ITPR1: variants seen among roughly 807,000 people sequenced by gnomAD.
ITPR1 encodes inositol 1,4,5-trisphosphate-gated calcium channel ITPR1.
ITPR1 carries 96 observed loss-of-function variants against 318.4 expected under a neutral mutation model. The observed-to-expected ratio is 0.30, with a 90% CI of 0.26 to 0.36. ITPR1 has a LOEUF of 0.36. Among genes scored for constraint, ITPR1 ranks in the 10% least tolerant of loss-of-function variants. The pLI is 1.00. For missense variants in ITPR1, 2,440 were observed against 3,460.2 expected (o/e 0.71, Z 7.40); for synonymous variants, 1,312 against 1,289.9 (o/e 1.02, Z -0.37).
At chr3:4,610,306 G>A (rs2091993771) in intron 4 of ITPR1, among the ~76,000 whole-genome samples, 2 of 152,072 alleles carry the variant, frequency 1.3e-5, no homozygotes, top group Admixed American at 6.5e-5. Flanking sequence ...ATGACACTCG[G>A]GGACCAGGTT....
chr3:4,616,604 G>T (rs35280388), intron 4 of ITPR1, among the ~76,000 whole-genome samples: 2 of 152,176 alleles, frequency 1.3e-5, no homozygotes, highest in African/African-American at 2.4e-5. Flanking sequence ...GCTGAATGAA[G>T]AATTTTTAAA....
chr3:4,535,339 G>T (rs928557893), intron 4 of ITPR1, among the ~76,000 whole-genome samples: 5 of 151,752 alleles, frequency 3.3e-5, no homozygotes, highest in African/African-American at 1.2e-4. Context: ...AACAAGGCAA[G>T]ATGTGAAAAT....
chr3:4,812,341 T>C (rs1052655058), intron 56 of ITPR1, among the ~76,000 whole-genome samples: 2 of 152,188 alleles, frequency 1.3e-5, no homozygotes, highest in Non-Finnish European at 2.9e-5. Context: ...CCTGGTCTTA[T>C]GTTTTCTTAA....
chr3:4,818,225 G>A lies in ITPR1; in HGVS notation c.8011G>A (p.Val2671Met), dbSNP rs1428890136. 1.9e-6 allele frequency: 3 copies of A among 1,569,944 alleles called. No homozygotes were observed. The highest frequency in any genetic ancestry group is 2.6e-6 in the Non-Finnish European group (3 of 1,146,186). The change falls in exon 60 of 62, where the codon GTG (valine) becomes ATG (methionine). Residue 2671 changes from valine to methionine, a missense_variant. Transcript: ENST00000649015. ...STEYTGPESY[V>M]AEMIKERNLD... ...CGAATATACTGGGCCTGAGAGTTAC[G>A]TGGCAGAAATGATCAAGGTGAGTGG...
intron 44 of ITPR1, among the ~76,000 whole-genome samples, chr3:4,743,294 A>G (rs1302299215): frequency 6.6e-6 from 1 of 152,236 alleles, no homozygotes; most frequent in Non-Finnish European, 1.5e-5. Context: ...ATTGGTCTAA[A>G]TCCAGGTCTT....
intron 61 of ITPR1, among the ~76,000 whole-genome samples, chr3:4,842,654 G>A (rs2051439257): frequency 6.6e-6 from 1 of 152,168 alleles, no homozygotes; most frequent in Non-Finnish European, 1.5e-5. Context: ...ACCATGCCCA[G>A]CCGTTTTGAG....
rs114149274 is a variant in ITPR1, at chr3:4,661,287, C to G, written c.1251+200C>G. On this transcript the variant is annotated intron_variant, in intron 14 of 61. Coordinates refer to ENST00000649015, the MANE Select transcript of ITPR1 (RefSeq NM_001378452.1). The stretch of plus-strand genomic sequence containing the variant: ...AAACCCAGGGCTTTTGAAATAACTA[C>G]AACTTTTTAATTTTATTCCATGGCT... Among the ~76,000 whole-genome samples, 1,454 of 152,230 alleles carry G rather than the reference C, an allele frequency of 9.6e-3. 21 individuals carry two copies. Among genetic ancestry groups the G allele is most frequent in the African/African-American group, 0.033 (1,364 of 41,518 alleles).
intron 40 of ITPR1, among the ~76,000 whole-genome samples, 171 bp downstream of exon 40, chr3:4,717,570 C>G (rs1383270329): frequency 6.6e-6 from 1 of 152,116 alleles, no homozygotes; most frequent in Non-Finnish European, 1.5e-5. Flanking sequence ...TAGCATTTCC[C>G]ATGAGTTTGT....
intron 54 of ITPR1, among the ~76,000 whole-genome samples, chr3:4,804,708 T>C (rs2048449659): frequency 6.6e-6 from 1 of 152,182 alleles, no homozygotes; most frequent in African/African-American, 2.4e-5. Flanking sequence ...GAATCAGTGA[T>C]ACTTTCCCAC....
At chr3:4,781,001 T>A (rs1026731297) in intron 49 of ITPR1, among the ~76,000 whole-genome samples, 7 of 152,236 alleles carry the variant, frequency 4.6e-5, no homozygotes, top group Non-Finnish European at 7.3e-5. Context: ...ACAAACACTG[T>A]TCTAAGAATC....
intron 13 of ITPR1, among the ~76,000 whole-genome samples, chr3:4,658,854 A>T (rs1312829864): frequency 6.6e-6 from 1 of 152,168 alleles, no homozygotes; most frequent in Non-Finnish European, 1.5e-5. Flanking sequence ...CAGAATCAAC[A>T]ATATTAATAA....
chr3:4,661,142 G>T (rs530392157), intron 14 of ITPR1, 55 bp downstream of exon 14: 1 of 1,014,506 alleles, frequency 9.9e-7, no homozygotes, highest in African/African-American at 1.6e-5. Flanking sequence ...TAATGAAAGG[G>T]CTCCTTTGAG....
intron 44 of ITPR1, among the ~76,000 whole-genome samples, chr3:4,744,681 T>C (rs556726367): frequency 1.1e-3 from 173 of 152,352 alleles, no homozygotes; most frequent in African/African-American, 3.8e-3. Context: ...ATCTTTACTA[T>C]GTAGATGTTA....
intron 5 of ITPR1, among the ~76,000 whole-genome samples, chr3:4,628,873 C>G (rs6762740): frequency 0.17 from 25,530 of 152,272 alleles, 4,429 homozygotes; most frequent in African/African-American, 0.44. Context: ...GCCCCAAGCA[C>G]CTCAAGAGGT....
At chr3:4,607,318 TTA>T (rs1157294807) in intron 4 of ITPR1, among the ~76,000 whole-genome samples, 1 of 152,176 alleles carries the variant, frequency 6.6e-6, no homozygotes, top group Non-Finnish European at 1.5e-5. Context: ...TAGAATTCAG[TTA>T]TCCTGCAGGT....
chr3:4,631,051 G>T (rs1421426369), intron 5 of ITPR1, among the ~76,000 whole-genome samples: 2 of 152,216 alleles, frequency 1.3e-5, no homozygotes, highest in Non-Finnish European at 2.9e-5. Context: ...GTTACAACTT[G>T]ACGTGAATAT....
At chr3:4,726,709 G>C (rs2042542595) in intron 41 of ITPR1, among the ~76,000 whole-genome samples, 1 of 152,312 alleles carries the variant, frequency 6.6e-6, no homozygotes, top group Non-Finnish European at 1.5e-5. Flanking sequence ...ATCTGTGTCT[G>C]CTCAGAGGCG....
rs1004481493 is a variant in ITPR1 at position 4,779,120 on chromosome 3, C to G, written c.6292-430C>G. On this transcript the variant is annotated intron_variant, in intron 48 of 61. Coordinates refer to ENST00000649015, the MANE Select transcript of ITPR1 (RefSeq NM_001378452.1). The surrounding 1 kb of genome is among the most constrained non-coding windows in gnomAD (Gnocchi z 4.0). ...GAATTACCTTTATTACCTGTCTTCTCTGGCCTGCAAGGCCAAATAACAGTT... is the reference window on the plus strand; with the variant it reads ...GAATTACCTTTATTACCTGTCTTCTGTGGCCTGCAAGGCCAAATAACAGTT... Among the ~76,000 whole-genome samples the G allele has an allele frequency of 3.9e-5, 6 of 152,234 alleles. No homozygotes were observed. The highest frequency in any genetic ancestry group is 2.1e-4 in the South Asian group (1 of 4,828).
chr3:4,508,761 C>T (rs928472182), intron 2 of ITPR1, among the ~76,000 whole-genome samples: 1 of 152,162 alleles, frequency 6.6e-6, no homozygotes, highest in Non-Finnish European at 1.5e-5. Context: ...ACCCCCACTG[C>T]CAGCAGGGGA....
Sources: allele counts gnomAD v4.1 joint callset (sites outside exome capture counted in the v4.1 genomes callset), GRCh38; gene constraint gnomAD v4.1.1; non-coding constraint Gnocchi (gnomAD v3.1); transcripts MANE v1.5; gene names NCBI Gene and HGNC (gene_info 2026-07-23, HGNC 2026-07-21).